C12orf56: variants seen among roughly 807,000 people sequenced by gnomAD.
C12orf56 encodes the protein uncharacterized protein C12orf56.
C12orf56 carries 71 observed loss-of-function variants against 69.9 expected under a neutral mutation model. That is an observed-to-expected ratio of 1.02 (90% CI 0.84 to 1.24). The LOEUF (loss-of-function observed/expected upper bound fraction) is 1.24, where lower values mean the gene tolerates loss of function less well. C12orf56 is among the 50% of genes most tolerant of loss of function. The pLI is 0.00. For synonymous variants in C12orf56, 276 were observed against 274.1 expected, an observed-to-expected ratio of 1.01 and a Z score of -0.07; for missense variants, 732 against 738.5, an observed-to-expected ratio of 0.99 and a Z score of 0.10.
rs373708138 is a variant in C12orf56, at chr12:64,389,587, C to T, written c.252+727G>A. ...TCTCGGCTCACGGCAACCTCCGCCT[C>T]CCAGGTTCAAGCGATTCTTGTGCCT... On this transcript the variant is annotated intron_variant, in intron 1 of 12. Coordinates refer to ENST00000543942, the MANE Select transcript of C12orf56 (RefSeq NM_001170633.2). 2.7e-4 allele frequency among the ~76,000 whole-genome samples: 41 copies of T among 152,260 alleles called. 1 individual carries two copies. In the East Asian group the frequency reaches 7.3e-3, roughly 27 times the overall value.
intron 6 of C12orf56, among the ~76,000 whole-genome samples, chr12:64,294,910 T>C (rs61034000): frequency 0.22 from 33,795 of 152,016 alleles, 4,094 homozygotes; most frequent in East Asian, 0.5. Flanking sequence ...AAAAATTTTT[T>C]TTTTTTTTGA....
chr12:64,321,128 A>G (rs559020090), intron 3 of C12orf56, among the ~76,000 whole-genome samples: 1 of 152,346 alleles, frequency 6.6e-6, no homozygotes, highest in East Asian at 1.9e-4. Context: ...TAGAAACAAT[A>G]ATAGTACCCA....
chr12:64,317,965 ACCAC>A (rs2038710594), intron 4 of C12orf56, among the ~76,000 whole-genome samples: 4 of 152,024 alleles, frequency 2.6e-5, no homozygotes, highest in Non-Finnish European at 5.9e-5. Context: ...ACTGCAAAAG[ACCAC>A]CTGCTCACAC....
chr12:64,271,236 C>A (rs1056780029), intron 11 of C12orf56, among the ~76,000 whole-genome samples: 2 of 151,924 alleles, frequency 1.3e-5, no homozygotes, highest in Non-Finnish European at 2.9e-5. Context: ...GAGGCTGAGG[C>A]GGGTAGATCA....
At chr12:64,293,060 C>T (rs1359001570) in intron 6 of C12orf56, among the ~76,000 whole-genome samples, 1 of 152,180 alleles carries the variant, frequency 6.6e-6, no homozygotes, top group Admixed American at 6.5e-5. Flanking sequence ...CATGGTTCGC[C>T]GCTTTTTAAG....
intron 4 of C12orf56, 87 bp downstream of exon 4, chr12:64,318,488 G>T: frequency 8.7e-7 from 1 of 1,152,586 alleles, no homozygotes; most frequent in South Asian, 1.8e-5. Context: ...TTCCAAAATG[G>T]GAGGTAAAGG....
At chr12:64,358,621 C>T (rs898688239) in intron 1 of C12orf56, among the ~76,000 whole-genome samples, 1 of 151,494 alleles carries the variant, frequency 6.6e-6, no homozygotes, top group Non-Finnish European at 1.5e-5. Context: ...TGTTGAAACT[C>T]TTTCTCTACT....
Position 64,390,632 on chromosome 12 carries a change from C to T in C12orf56, c.-67G>A, listed in dbSNP as rs2039858132. The T allele has an allele frequency of 7.2e-7, 1 of 1,383,466 alleles. No individual in the cohort carries two copies. 85.7% of individuals were successfully genotyped at this position (1,383,466 alleles called of 1,614,324 possible). A position where few individuals can be genotyped will look rare whatever the true frequency, so the allele number is the denominator to read the frequency against. On this transcript the variant is annotated 5_prime_UTR_variant, in exon 1 of 13. Transcript: ENST00000543942. ...CCTCAGCTCGCCCTCTCCCCGCCCCCGCGCTGGAACCCGCGCGCCACAAAG... is the reference window on the plus strand; with the variant it reads ...CCTCAGCTCGCCCTCTCCCCGCCCCTGCGCTGGAACCCGCGCGCCACAAAG...
At chr12:64,385,535 A>G (rs943447843) in intron 1 of C12orf56, among the ~76,000 whole-genome samples, 4 of 152,112 alleles carry the variant, frequency 2.6e-5, no homozygotes, top group African/African-American at 7.2e-5. Context: ...TCCTAAGATC[A>G]GTGCTTGAGA....
intron 2 of C12orf56, among the ~76,000 whole-genome samples, chr12:64,335,103 G>A (rs2056518490): frequency 6.6e-6 from 1 of 152,060 alleles, no homozygotes; most frequent in Admixed American, 6.6e-5. Context: ...GAAACTAAGT[G>A]GTTAATAACC....
chr12:64,341,097 G>T (rs2039068378), intron 2 of C12orf56, among the ~76,000 whole-genome samples: 1 of 152,284 alleles, frequency 6.6e-6, no homozygotes, highest in Middle Eastern at 3.4e-3. Context: ...TTGGCCTGTT[G>T]ACTTAAAGGT....
At chr12:64,310,009 C>CT (rs77746502) in intron 5 of C12orf56, among the ~76,000 whole-genome samples, 60,117 of 148,710 alleles carry the variant, frequency 0.4, 11,913 homozygotes, top group African/African-American at 0.42. Context: ...TCCACTTCAC[C>CT]TTTTTTTTTT....
At chr12:64,326,744 A>AC (rs2136855436) in intron 3 of C12orf56, among the ~76,000 whole-genome samples, 1 of 151,980 alleles carries the variant, frequency 6.6e-6, no homozygotes, top group Non-Finnish European at 1.5e-5. Context: ...TGTCTCAAAA[A>AC]AAAAAAAAGA....
intron 2 of C12orf56, 83 bp from the exon 3 acceptor site, chr12:64,331,115 A>G (rs910474485): frequency 1.7e-6 from 2 of 1,161,602 alleles, no homozygotes; most frequent in African/African-American, 3.1e-5. Flanking sequence ...TGTACTGATT[A>G]AATGACTGTT....
At position 64,305,508 on chromosome 12, in the gene C12orf56, G is replaced by C. The variant is rs185521480; in HGVS notation, c.969-1729C>G. On this transcript the variant is annotated intron_variant, in intron 5 of 12. Coordinates refer to ENST00000543942, the MANE Select transcript of C12orf56 (RefSeq NM_001170633.2). ...GCTATTCTCCTGCCTCAGTCTCCTG[G>C]GTAGCTGGGATTACAGGCGAGCACC... 2.6e-3 allele frequency among the ~76,000 whole-genome samples: 390 copies of C among 152,040 alleles called. 3 individuals are homozygous for C. Among genetic ancestry groups the C allele is most frequent in the Non-Finnish European group, 3.9e-3 (264 of 67,970 alleles).
chr12:64,305,926 A>T (rs1419866424), intron 5 of C12orf56, among the ~76,000 whole-genome samples: 1 of 152,248 alleles, frequency 6.6e-6, no homozygotes, highest in East Asian at 1.9e-4. Flanking sequence ...ATAAGATACA[A>T]TATCAGCAGA....
chr12:64,310,775 T>C (rs151153618), intron 5 of C12orf56, among the ~76,000 whole-genome samples: 90 of 152,232 alleles, frequency 5.9e-4, no homozygotes, highest in African/African-American at 2.1e-3. Flanking sequence ...ACGTGCAGGT[T>C]TGTTACATAT....
chr12:64,265,292 G>A lies in C12orf56; in HGVS notation c.*1891C>T, dbSNP rs779403973. On this transcript the variant is annotated 3_prime_UTR_variant, in exon 13 of 13. Transcript: ENST00000543942. ...TCTCTCTCTGCCCCCAAAATTGAGG[G>A]TAGAAAATGTGGACTCCTCATTGGG... 2 of 152,192 alleles carry A rather than the reference G, an allele frequency of 1.3e-5. No homozygotes were observed. Among genetic ancestry groups the A allele is most frequent in the African/African-American group, 4.8e-5 (2 of 41,426 alleles). The allele number at this position is 152,192 out of a possible 1,614,324, so 9.4% of individuals were successfully genotyped here.
At chr12:64,307,810 C>G (rs1460347031) in intron 5 of C12orf56, among the ~76,000 whole-genome samples, 1 of 151,894 alleles carries the variant, frequency 6.6e-6, no homozygotes, top group Non-Finnish European at 1.5e-5. Context: ...CCAGACCAGC[C>G]TGGGCAATAT....
Sources: allele counts gnomAD v4.1 joint callset (sites outside exome capture counted in the v4.1 genomes callset), GRCh38; gene constraint gnomAD v4.1.1; transcripts MANE v1.5; gene names NCBI Gene and HGNC (gene_info 2026-07-23, HGNC 2026-07-21).